SHISA6: variants seen among roughly 807,000 people sequenced by gnomAD.
SHISA6 encodes protein shisa-6.
Under a neutral mutation model 47.9 loss-of-function variants are expected in SHISA6, and 22 were observed. The ratio of observed to expected loss-of-function variants is 0.46; its 90% CI spans 0.33 to 0.66. The LOEUF is 0.66. SHISA6 is among the 30% of genes least tolerant of loss of function. SHISA6 has a pLI of 0.02. For synonymous variants in SHISA6, 388 were observed against 337.8 expected, an observed-to-expected ratio of 1.15 and a Z score of -1.63; for missense variants, 680 against 764.6, an observed-to-expected ratio of 0.89 and a Z score of 1.30.
chr17:11,387,352 G>A (rs546527818), intron 3 of SHISA6, among the ~76,000 whole-genome samples: 17 of 152,240 alleles, frequency 1.1e-4, no homozygotes, highest in African/African-American at 4.1e-4. Flanking sequence ...ATGAGTTCAA[G>A]GCTGGAAAAG....
intron 3 of SHISA6, among the ~76,000 whole-genome samples, chr17:11,448,629 C>G (rs1304993040): frequency 6.6e-6 from 1 of 151,620 alleles, no homozygotes; most frequent in Admixed American, 6.6e-5. Context: ...GAGTTGAAGA[C>G]CAGCCTGGCC....
chr17:11,549,188 G>A (rs1262797719), intron 3 of SHISA6, among the ~76,000 whole-genome samples: 1 of 152,122 alleles, frequency 6.6e-6, no homozygotes, highest in Non-Finnish European at 1.5e-5. Context: ...GGTTGAGGGT[G>A]TATGTAAGCA....
chr17:11,299,561 T>C (rs1488450721), intron 2 of SHISA6, among the ~76,000 whole-genome samples: 1 of 152,218 alleles, frequency 6.6e-6, no homozygotes, highest in East Asian at 1.9e-4. Flanking sequence ...GAAGTCAAGA[T>C]ATGTTAGGGC....
intron 3 of SHISA6, among the ~76,000 whole-genome samples, chr17:11,431,933 C>T (rs1914788834): frequency 6.6e-6 from 1 of 152,132 alleles, no homozygotes; most frequent in South Asian, 2.1e-4. Flanking sequence ...TGTCCAACCA[C>T]CCCCACACTC....
intron 2 of SHISA6, among the ~76,000 whole-genome samples, chr17:11,269,049 GT>G (rs113666166): frequency 1.5e-3 from 206 of 138,272 alleles, no homozygotes; most frequent in Non-Finnish European, 7.5e-4. Flanking sequence ...TGTCTGTTTT[GT>G]TTTTTTTTTT....
At chr17:11,430,779 C>A (rs780256607) in intron 3 of SHISA6, among the ~76,000 whole-genome samples, 31 of 152,152 alleles carry the variant, frequency 2.0e-4, no homozygotes, top group Non-Finnish European at 4.0e-4. Flanking sequence ...GGGTGTGAAC[C>A]CCATTGCCTC....
rs779667736 is a variant in SHISA6 at position 11,265,463 on chromosome 17, A to G, written c.799+1937A>G. 9.9e-4 allele frequency among the ~76,000 whole-genome samples: 150 copies of G among 152,244 alleles called. 1 individual carries two copies. The highest frequency in any genetic ancestry group is 2.4e-4 in the Non-Finnish European group (16 of 68,008). ...TGGGGGCTGGTGGCTAACACTTCCCAGGTGATTCTAATGTGGAGCTAAGTT... is the reference window on the plus strand; with the variant it reads ...TGGGGGCTGGTGGCTAACACTTCCCGGGTGATTCTAATGTGGAGCTAAGTT... On this transcript the variant is annotated intron_variant, in intron 2 of 5. Coordinates refer to ENST00000441885, the MANE Select transcript of SHISA6 (RefSeq NM_207386.4).
intron 2 of SHISA6, among the ~76,000 whole-genome samples, chr17:11,307,143 C>CTTTTTTTTTTTT (rs56109461): frequency 6.9e-6 from 1 of 145,242 alleles, no homozygotes; most frequent in Non-Finnish European, 1.5e-5. Context: ...TGTTTGTTTT[C>CTTTTTTTTTTTT]TTTTTTTTTC....
chr17:11,543,669 AAAAT>A (rs1362666940), intron 3 of SHISA6, among the ~76,000 whole-genome samples: 1 of 152,108 alleles, frequency 6.6e-6, no homozygotes, highest in Non-Finnish European at 1.5e-5. Context: ...TTGAAAAAGA[AAAAT>A]AAAGTAGGAG....
chr17:11,399,967 C>T (rs146123412), intron 3 of SHISA6, among the ~76,000 whole-genome samples: 284 of 152,306 alleles, frequency 1.9e-3, no homozygotes, highest in African/African-American at 6.4e-3. Flanking sequence ...TGATACTATA[C>T]ACTTCCCACT....
At chr17:11,264,617 A>G (rs117218873) in intron 2 of SHISA6, among the ~76,000 whole-genome samples, 1 of 152,182 alleles carries the variant, frequency 6.6e-6, no homozygotes, top group African/African-American at 2.4e-5. Context: ...TGAAATCTGC[A>G]CATCTATTGC....
At chr17:11,554,270 G>A (rs1417227427) in intron 4 of SHISA6, among the ~76,000 whole-genome samples, 1 of 152,094 alleles carries the variant, frequency 6.6e-6, no homozygotes, top group Admixed American at 6.6e-5. Flanking sequence ...GGCTCTTTCT[G>A]TACAGCATGT....
intron 3 of SHISA6, among the ~76,000 whole-genome samples, chr17:11,448,737 A>C (rs1915302535): frequency 6.6e-6 from 1 of 151,988 alleles, no homozygotes; most frequent in Non-Finnish European, 1.5e-5. Flanking sequence ...GAGGCAGGAG[A>C]ATCGCTTGAA....
At chr17:11,466,112 C>T (rs777592667) in intron 3 of SHISA6, among the ~76,000 whole-genome samples, 7 of 152,142 alleles carry the variant, frequency 4.6e-5, no homozygotes, top group Non-Finnish European at 1.0e-4. Flanking sequence ...AGGAGTGGGG[C>T]CCAGGGTTCA....
chr17:11,444,017 A>G (rs1415060563), intron 3 of SHISA6, among the ~76,000 whole-genome samples: 1 of 152,228 alleles, frequency 6.6e-6, no homozygotes, highest in Non-Finnish European at 1.5e-5. Context: ...AGAAAGATCA[A>G]GATCAAGAAA....
chr17:11,489,717 G>A (rs1182306128), intron 3 of SHISA6, among the ~76,000 whole-genome samples: 6 of 152,088 alleles, frequency 3.9e-5, no homozygotes, highest in Non-Finnish European at 8.8e-5. Flanking sequence ...GTTTTCAACC[G>A]GGGGCCAGTT....
chr17:11,313,534 T>C (rs1285191662), intron 2 of SHISA6, among the ~76,000 whole-genome samples: 2 of 152,144 alleles, frequency 1.3e-5, no homozygotes, highest in African/African-American at 4.8e-5. Context: ...TATTGCAAAT[T>C]GGAAGCAAAC....
chr17:11,518,088 G>T (rs565208598), intron 3 of SHISA6, among the ~76,000 whole-genome samples: 21 of 152,162 alleles, frequency 1.4e-4, no homozygotes, highest in African/African-American at 4.6e-4. Context: ...CACATTTTAG[G>T]CCACACATGC....
At chr17:11,277,882 G>C (rs1436921356) in intron 2 of SHISA6, among the ~76,000 whole-genome samples, 1 of 152,174 alleles carries the variant, frequency 6.6e-6, no homozygotes, top group Non-Finnish European at 1.5e-5. Flanking sequence ...GTTTCTTTAA[G>C]AACACTTGTT....
Sources: gnomAD v4.1 joint callset for allele counts (sites outside exome capture counted in the v4.1 genomes callset) on GRCh38, gnomAD v4.1.1 for gene constraint, MANE v1.5 for transcripts, NCBI Gene and HGNC (gene_info 2026-07-23, HGNC 2026-07-21) for gene names.